ITCH: variants seen among roughly 807,000 people sequenced by gnomAD.
ITCH encodes the protein E3 ubiquitin-protein ligase Itchy homolog.
A neutral mutation model predicts 126.8 loss-of-function variants in ITCH; 28 were observed. That is an observed-to-expected ratio of 0.22 (90% CI 0.16 to 0.30). The LOEUF (loss-of-function observed/expected upper bound fraction) is 0.30, where lower values mean the gene tolerates loss of function less well. ITCH is among the 10% of genes least tolerant of loss of function. ITCH has a pLI of 1.00. For missense variants in ITCH, 631 were observed against 1,032.4 expected (o/e 0.61, Z 5.33); for synonymous variants, 342 against 340.0 (o/e 1.01, Z -0.06).
At chr20:34,465,288 C>T (rs1288154538) in intron 14 of ITCH, among the ~76,000 whole-genome samples, 1 of 151,268 alleles carries the variant, frequency 6.6e-6, no homozygotes, top group East Asian at 2.0e-4. Flanking sequence ...AGCTTTGTAG[C>T]AAGTTTTCAA....
At chr20:34,463,405 C>T (rs1986728132) in intron 14 of ITCH, among the ~76,000 whole-genome samples, 1 of 152,106 alleles carries the variant, frequency 6.6e-6, no homozygotes, top group Non-Finnish European at 1.5e-5. Context: ...GTTCCTACTT[C>T]GATGACTTTT....
intron 6 of ITCH, among the ~76,000 whole-genome samples, chr20:34,416,799 G>A (rs1008860566): frequency 2.0e-5 from 3 of 151,670 alleles, no homozygotes; most frequent in East Asian, 1.9e-4. Context: ...TACAAGTCTC[G>A]GTTATAATGT....
chr20:34,472,344 G>A lies in ITCH; in HGVS notation c.1569+829G>A, dbSNP rs181645443. Among the ~76,000 whole-genome samples the A allele has an allele frequency of 2.3e-4, 32 of 141,062 alleles. No individual in the cohort carries two copies. The Middle Eastern group carries it at 0.012, about 51-fold the overall frequency. The allele number at this position is 141,062 out of a possible 152,430, so 92.5% of individuals were successfully genotyped here. On this transcript the variant is annotated intron_variant, in intron 16 of 24. Transcript: ENST00000374864. ...ATCGTGCCATTGCATTCCAGCCTGG[G>A]CAATAAGAGCAAAACTCCATCTCAA... is the stretch of plus-strand genomic sequence containing the variant.
intron 18 of ITCH, among the ~76,000 whole-genome samples, chr20:34,480,188 C>T (rs966647524): frequency 4.6e-5 from 7 of 151,972 alleles, no homozygotes; most frequent in Middle Eastern, 3.2e-3. Flanking sequence ...TATAAGTCAC[C>T]GTGCCCAGCC....
intron 3 of ITCH, chr20:34,402,471 A>G: frequency 1.3e-6 from 1 of 766,658 alleles, no homozygotes; most frequent in Non-Finnish European, 2.4e-6. Flanking sequence ...AGACCACTGA[A>G]AAATAGACTA....
chr20:34,473,610 C>T lies in ITCH; in HGVS notation c.1569+2095C>T, dbSNP rs576437191. On this transcript the variant is annotated intron_variant, in intron 16 of 24. Coordinates refer to ENST00000374864, the MANE Select transcript of ITCH (RefSeq NM_031483.7). ...AATCAGCATTGTTTTTCAAAGAGTA[C>T]AAAGTTAAACCATTCTGCTTAGAAA... is the stretch of plus-strand genomic sequence containing the variant. 9.2e-5 allele frequency among the ~76,000 whole-genome samples: 14 copies of T among 152,322 alleles called. No homozygotes were observed. The South Asian group carries it at 2.7e-3, about 29-fold the overall frequency.
chr20:34,454,842 TTTTTG>T, intron 12 of ITCH, among the ~76,000 whole-genome samples: 1 of 138,784 alleles, frequency 7.2e-6, no homozygotes, highest in African/African-American at 2.7e-5. Context: ...TTTTTTTTTT[TTTTTG>T]AGATGGAGTT....
chr20:34,394,315 G>A (rs1186019990), intron 3 of ITCH, among the ~76,000 whole-genome samples: 2 of 151,178 alleles, frequency 1.3e-5, no homozygotes, highest in Admixed American at 6.6e-5. Context: ...AAGATATATA[G>A]ATATGTAATT....
chr20:34,506,878 C>T (rs545364776), intron 24 of ITCH, among the ~76,000 whole-genome samples: 7 of 152,268 alleles, frequency 4.6e-5, no homozygotes, highest in Non-Finnish European at 7.4e-5. Flanking sequence ...AATTTTCATC[C>T]ATGTTGTAGC....
chr20:34,414,457 C>CTTT (rs770240058), intron 6 of ITCH, among the ~76,000 whole-genome samples: 10 of 70,824 alleles, frequency 1.4e-4, no homozygotes, highest in African/African-American at 2.9e-4. Flanking sequence ...ACTTTAAATC[C>CTTT]TTTTTTTTTT....
chr20:34,387,543 A>G (rs1205926038), intron 2 of ITCH, among the ~76,000 whole-genome samples: 1 of 148,594 alleles, frequency 6.7e-6, no homozygotes, highest in Non-Finnish European at 1.5e-5. Context: ...AAGCAGGAGG[A>G]TTGTTTCAGC....
Position 34,479,786 on chromosome 20 carries a change from C to A in ITCH, c.1815C>A (p.Ala605=). Residue 605 remains alanine, a synonymous_variant, in exon 18 of 25, where the codon GCC becomes GCA. Coordinates refer to ENST00000374864, the MANE Select transcript of ITCH (RefSeq NM_031483.7). ...TTCGTTTTATTGGCAGATTTATTGC[C>A]ATGGTAAGTGCAGGTCAAGAATTAT... ...KYFRFIGRFI[A]MALFHGKFID... is the part of the protein sequence containing the mutation. The A allele has an allele frequency of 6.2e-7, 1 of 1,613,416 alleles. No homozygotes were observed. The highest frequency in any genetic ancestry group is 8.5e-7 in the Non-Finnish European group (1 of 1,179,684).
At chr20:34,374,821 C>T (rs1338543709) in intron 2 of ITCH, among the ~76,000 whole-genome samples, 3 of 151,482 alleles carry the variant, frequency 2.0e-5, no homozygotes, top group Non-Finnish European at 2.9e-5. Context: ...GCAACCTCAA[C>T]CTCTGCCTCC....
At chr20:34,390,731 T>C (rs2038459468) in intron 2 of ITCH, among the ~76,000 whole-genome samples, 1 of 151,356 alleles carries the variant, frequency 6.6e-6, no homozygotes, top group Non-Finnish European at 1.5e-5. Flanking sequence ...ATTACAGGCT[T>C]GAGCCACTGT....
At position 34,398,518 on chromosome 20, in the gene ITCH, C is replaced by T. The variant is rs559209692; in HGVS notation, c.70+4637C>T. ...GATTCAAGCAATTCTCCTGCCTCAG[C>T]CTCCCAGATAGCTGGGATTACAGGC... On this transcript the variant is annotated intron_variant, in intron 3 of 24. Coordinates refer to ENST00000374864, the MANE Select transcript of ITCH (RefSeq NM_031483.7). Among the ~76,000 whole-genome samples the T allele has an allele frequency of 1.7e-4, 26 of 152,002 alleles. No individual in the cohort carries two copies. The South Asian group carries it at 2.5e-3, about 15-fold the overall frequency.
intron 2 of ITCH, among the ~76,000 whole-genome samples, chr20:34,371,417 G>T (rs1430435878): frequency 6.6e-6 from 1 of 150,822 alleles, no homozygotes; most frequent in Non-Finnish European, 1.5e-5. Flanking sequence ...GCTGGGACTC[G>T]GGAGGCCAGG....
chr20:34,461,697 A>T lies in ITCH; in HGVS notation c.1296-396A>T, dbSNP rs545435061. Among the ~76,000 whole-genome samples the T allele has an allele frequency of 6.5e-3, 789 of 120,838 alleles. 3 individuals are homozygous for T. Among genetic ancestry groups the T allele is most frequent in the Admixed American group, 0.01 (94 of 9,254 alleles). 79.3% of individuals were successfully genotyped at this position (120,838 alleles called of 152,430 possible). A position where few individuals can be genotyped will look rare whatever the true frequency, so the allele number is the denominator to read the frequency against. Reference sequence around the variant, plus strand: ...CTGCACTCCAGCCTGGGCGACAGTGAGACTCCATCTATAAAAAAAAAAAAA... The same window carrying T: ...CTGCACTCCAGCCTGGGCGACAGTGTGACTCCATCTATAAAAAAAAAAAAA... On this transcript the variant is annotated intron_variant, in intron 13 of 24. Coordinates refer to ENST00000374864, the MANE Select transcript of ITCH (RefSeq NM_031483.7).
chr20:34,496,803 CAAAAA>C (rs60619641), intron 23 of ITCH, among the ~76,000 whole-genome samples: 2 of 99,410 alleles, frequency 2.0e-5, no homozygotes, highest in African/African-American at 3.8e-5. Context: ...CACTCCATCT[CAAAAA>C]AAAAAAAAAA....
chr20:34,429,756 C>A (rs2146244338), intron 7 of ITCH, among the ~76,000 whole-genome samples: 1 of 151,974 alleles, frequency 6.6e-6, no homozygotes, highest in East Asian at 1.9e-4. Context: ...TTTTTTTGAA[C>A]TGTTGTTTTT....
Sources: allele counts gnomAD v4.1 joint callset (sites outside exome capture counted in the v4.1 genomes callset), GRCh38; gene constraint gnomAD v4.1.1; transcripts MANE v1.5; gene names NCBI Gene and HGNC (gene_info 2026-07-23, HGNC 2026-07-21).